The following RARB variants were observed in gnomAD, a reference collection of about 807,000 sequenced individuals.
RARB encodes the protein HBV-activated protein.
A neutral mutation model predicts 51.9 loss-of-function variants in RARB; 17 were observed. The ratio of observed to expected loss-of-function variants is 0.33; its 90% CI spans 0.22 to 0.49. The LOEUF (loss-of-function observed/expected upper bound fraction) is 0.49. RARB is among the 20% of genes least tolerant of loss of function. The pLI is 0.99. For missense variants in RARB, 369 were observed against 550.8 expected (o/e 0.67, Z 3.30); for synonymous variants, 215 against 195.4 (o/e 1.10, Z -0.84).
Position 25,202,375 on chromosome 3 carries a change from C to CA in RARB, c.178+27808dup, listed in dbSNP as rs535912752. On this transcript the variant is annotated intron_variant, in intron 5 of 11. Coordinates refer to the RARB transcript ENST00000383772. ...GGTCTATCCATTTTGTTGATCTTTT[C>CA]AAAAAAAACAGCTCCTGGATTCTTT... Among the ~76,000 whole-genome samples, 1,074 of 151,326 alleles carry CA rather than the reference C, an allele frequency of 7.1e-3. 11 individuals are homozygous for CA. Among genetic ancestry groups the CA allele is most frequent in the African/African-American group, 0.024 (1,001 of 41,284 alleles).
chr3:25,060,470 C>T (rs986120221), intron 3 of RARB, among the ~76,000 whole-genome samples: 2 of 151,812 alleles, frequency 1.3e-5, no homozygotes, highest in Non-Finnish European at 2.9e-5. Flanking sequence ...ATAGTGAATA[C>T]TTAGGCTTTA....
intron 2 of RARB, among the ~76,000 whole-genome samples, chr3:25,038,478 C>T (rs1440734108): frequency 6.6e-6 from 1 of 152,088 alleles, no homozygotes; most frequent in Non-Finnish European, 1.5e-5. Context: ...GAGAGACTGA[C>T]CCCCACACAT....
chr3:24,944,402 G>A (rs904755997), intron 2 of RARB, among the ~76,000 whole-genome samples: 2 of 152,222 alleles, frequency 1.3e-5, no homozygotes, highest in African/African-American at 4.8e-5. Context: ...ATTCAACTAT[G>A]TATTCAATAT....
intron 3 of RARB, among the ~76,000 whole-genome samples, chr3:25,541,249 T>G (rs910385759): frequency 6.6e-6 from 1 of 152,220 alleles, no homozygotes; most frequent in Non-Finnish European, 1.5e-5. Flanking sequence ...GAATCCCTCC[T>G]CATCCTCTTC....
chr3:25,272,791 T>C (rs1240553719), intron 5 of RARB, among the ~76,000 whole-genome samples: 1 of 152,224 alleles, frequency 6.6e-6, no homozygotes, highest in Non-Finnish European at 1.5e-5. Context: ...TGAACAGTGA[T>C]ACAGGAGACT....
intron 2 of RARB, among the ~76,000 whole-genome samples, chr3:24,986,762 C>G (rs190091041): frequency 1.3e-5 from 2 of 152,252 alleles, no homozygotes; most frequent in East Asian, 3.9e-4. Flanking sequence ...TGTAATTTCA[C>G]TGGAAATCAG....
At chr3:25,552,738 A>G (rs1293316379) in intron 3 of RARB, among the ~76,000 whole-genome samples, 1 of 87,024 alleles carries the variant, frequency 1.1e-5, no homozygotes. Flanking sequence ...GAAAGAAAGA[A>G]TTTTGAAATG....
intron 5 of RARB, among the ~76,000 whole-genome samples, chr3:25,205,767 G>A (rs1020771234): frequency 2.0e-5 from 3 of 151,588 alleles, no homozygotes; most frequent in Non-Finnish European, 4.4e-5. Context: ...TCTTGAGACG[G>A]GGTCTCACTC....
At chr3:24,915,401 T>C (rs1289187046) in intron 2 of RARB, among the ~76,000 whole-genome samples, 1 of 152,190 alleles carries the variant, frequency 6.6e-6, no homozygotes, top group East Asian at 1.9e-4. Context: ...ATCTTTAAAA[T>C]TAGTGTGCAT....
intron 5 of RARB, among the ~76,000 whole-genome samples, chr3:25,184,297 G>T (rs1700925860): frequency 6.6e-6 from 1 of 152,048 alleles, no homozygotes; most frequent in African/African-American, 2.4e-5. Context: ...AAAAAAATAG[G>T]GCATTTTGAG....
intron 5 of RARB, among the ~76,000 whole-genome samples, chr3:25,196,777 T>C (rs988888845): frequency 6.6e-6 from 1 of 152,144 alleles, no homozygotes; most frequent in Non-Finnish European, 1.5e-5. Flanking sequence ...TGGTGTGAGG[T>C]GGTATCTCAT....
chr3:25,586,613 A>G lies in RARB; in HGVS notation c.786+5891A>G, dbSNP rs17016848. 5.3e-3 allele frequency among the ~76,000 whole-genome samples: 800 copies of G among 152,278 alleles called. 8 individuals are homozygous for G. Among genetic ancestry groups the G allele is most frequent in the African/African-American group, 0.018 (741 of 41,556 alleles). ...TGCCCTTACTGCCCCCAAGGAAAAT[A>G]TTCCCATGCCAGTCACAGCAGCACC... On this transcript the variant is annotated intron_variant, in intron 5 of 7. Coordinates refer to ENST00000330688, the MANE Select transcript of RARB (RefSeq NM_000965.5).
intron 3 of RARB, among the ~76,000 whole-genome samples, chr3:25,125,440 A>C (rs140513804): frequency 5.6e-4 from 86 of 152,330 alleles, no homozygotes; most frequent in Non-Finnish European, 9.7e-4. Flanking sequence ...GACACACAAA[A>C]TTGCAGCGTG....
At chr3:24,960,703 A>G (rs1249750483) in intron 2 of RARB, among the ~76,000 whole-genome samples, 2 of 152,196 alleles carry the variant, frequency 1.3e-5, no homozygotes, top group African/African-American at 2.4e-5. Flanking sequence ...AGCTACAACC[A>G]TACGTTGTGT....
At chr3:25,005,550 C>T (rs1405726523) in intron 2 of RARB, among the ~76,000 whole-genome samples, 1 of 152,122 alleles carries the variant, frequency 6.6e-6, no homozygotes, top group Non-Finnish European at 1.5e-5. Flanking sequence ...TGGTAACTGG[C>T]TTCCCAAGAG....
chr3:25,198,108 G>C (rs1158760360), intron 5 of RARB, among the ~76,000 whole-genome samples: 1 of 151,994 alleles, frequency 6.6e-6, no homozygotes, highest in African/African-American at 2.4e-5. Context: ...AGAGAATCCA[G>C]GAATAAATCC....
At chr3:25,272,761 A>G (rs1344878317) in intron 5 of RARB, among the ~76,000 whole-genome samples, 2 of 152,174 alleles carry the variant, frequency 1.3e-5, no homozygotes, top group East Asian at 3.9e-4. Flanking sequence ...AGCCACAAGT[A>G]TCAAGTCACA....
At chr3:24,918,752 G>T (rs377333926) in intron 2 of RARB, among the ~76,000 whole-genome samples, 101 of 152,188 alleles carry the variant, frequency 6.6e-4, no homozygotes, top group African/African-American at 2.1e-3. Flanking sequence ...TTAGCTGGTC[G>T]TGGTGGCGGG....
intron 4 of RARB, among the ~76,000 whole-genome samples, chr3:25,135,253 A>G (rs1203771630): frequency 6.6e-6 from 1 of 152,012 alleles, no homozygotes; most frequent in Admixed American, 6.6e-5. Context: ...ATTTTATTTA[A>G]TGTTAATTAA....
Sources: allele counts gnomAD v4.1 joint callset (sites outside exome capture counted in the v4.1 genomes callset), GRCh38; gene constraint gnomAD v4.1.1; transcripts MANE v1.5; gene names NCBI Gene and HGNC (gene_info 2026-07-23, HGNC 2026-07-21).